The following AFF4 variants were observed in gnomAD, a reference collection of about 807,000 sequenced individuals.
AFF4 encodes the protein AF4/FMR2 family member 4.
Under a neutral mutation model 124.8 loss-of-function variants are expected in AFF4, and 13 were observed. That is an observed-to-expected ratio of 0.10 (90% CI 0.07 to 0.17). The LOEUF is 0.17. AFF4 is among the 10% of genes least tolerant of loss of function. The pLI, the probability that AFF4 is intolerant of heterozygous loss-of-function variation, is 1.00. For synonymous variants in AFF4, 477 were observed against 496.1 expected (o/e 0.96, Z 0.51); for missense variants, 1,092 against 1,403.8 (o/e 0.78, Z 3.55).
intron 1 of AFF4, among the ~76,000 whole-genome samples, chr5:132,954,571 G>A (rs909346635): frequency 5.5e-5 from 6 of 108,694 alleles, no homozygotes; most frequent in Admixed American, 8.8e-5. Flanking sequence ...TTTTTGAGAC[G>A]GAGTCTCGCT....
rs1760485021 is a variant in AFF4 at position 132,899,147 on chromosome 5, A to G, written c.1189-6T>C. 6.2e-7 allele frequency: 1 copy of G among 1,612,062 alleles called. No individual in the cohort carries two copies. ...GGCATTGTCTTATCACAATCCTAAA[A>G]TTAAAACATAAGAAAGAATCTGTGA... On this transcript the variant is annotated splice_region_variant and splice_polypyrimidine_tract_variant and intron_variant, in intron 8 of 20. Transcript: ENST00000265343.
rs189230812 is a variant in AFF4 at position 132,949,116 on chromosome 5, C to T, written c.-4-11923G>A. Among the ~76,000 whole-genome samples the T allele has an allele frequency of 5.9e-5, 9 of 151,702 alleles. No homozygotes were observed. In the East Asian group the frequency reaches 1.7e-3, roughly 29 times the overall value. On this transcript the variant is annotated intron_variant, in intron 1 of 20. Coordinates refer to ENST00000265343, the MANE Select transcript of AFF4 (RefSeq NM_014423.4). Reference sequence around the variant, plus strand: ...AACTGCTACTAGACAAAAAAGACTCCAGTGGGGCAATCAGTAGGAAGGCAT... The same window carrying T: ...AACTGCTACTAGACAAAAAAGACTCTAGTGGGGCAATCAGTAGGAAGGCAT...
In AFF4 at chr5:132,887,942, A is replaced by G. The variant is rs750040344; in HGVS notation, c.2837T>C (p.Val946Ala). The G allele has an allele frequency of 6.2e-7, 1 of 1,613,830 alleles. No homozygotes were observed. Among genetic ancestry groups the G allele is most frequent in the African/African-American group, 1.3e-5 (1 of 75,038 alleles). ...ATTCCCACATTCAATGAAAGATACCACAGCATCAAGATAGTATACAGCTTT... is the reference window on the plus strand; with the variant it reads ...ATTCCCACATTCAATGAAAGATACCGCAGCATCAAGATAGTATACAGCTTT... ...FEKAVYYLDA[V>A]VSFIECGNAL... The change falls in exon 16 of 21, where the codon GTG becomes GCG. Residue 946 changes from valine (V) to alanine (A), a missense_variant. Val to Ala is a moderately conservative substitution (Grantham distance 64, BLOSUM62 0). Transcript: ENST00000265343.
chr5:132,944,724 G>A (rs1456510839), intron 1 of AFF4, among the ~76,000 whole-genome samples: 1 of 152,006 alleles, frequency 6.6e-6, no homozygotes, highest in East Asian at 1.9e-4. Flanking sequence ...GAGGTCAGGA[G>A]TTCAAGACCA....
At chr5:132,930,885 C>T (rs1354475830) in intron 4 of AFF4, among the ~76,000 whole-genome samples, 1 of 132,798 alleles carries the variant, frequency 7.5e-6, no homozygotes, top group Admixed American at 8.3e-5. Flanking sequence ...GGCAGGCAGA[C>T]AGGAGTTCCA....
intron 5 of AFF4, among the ~76,000 whole-genome samples, chr5:132,920,925 A>G (rs1189240849): frequency 1.3e-5 from 2 of 152,068 alleles, no homozygotes; most frequent in East Asian, 3.9e-4. Context: ...CAGGAGATCG[A>G]GACCATCCTG....
chr5:132,934,694 G>A lies in AFF4; in HGVS notation c.371C>T (p.Ser124Phe), dbSNP rs1347033436. The part of the protein sequence containing the change: ...APSTSQSQKR[S>F]SGLQSGHSSQ... ...ACTATGTCCACTCTGTAAGCCTGAG[G>A]ACCGTTTCTGAGACTGAGAAGTGCT... Residue 124 changes from serine to phenylalanine, a missense_variant, in exon 3 of 21, where the codon TCC becomes TTC. Ser to Phe is a radical substitution (Grantham distance 155). Transcript: ENST00000265343. 1.2e-6 allele frequency: 2 copies of A among 1,614,006 alleles called. No individual in the cohort carries two copies. Among genetic ancestry groups the A allele is most frequent in the East Asian group, 2.2e-5 (1 of 44,890 alleles).
chr5:132,916,238 CAAAAAA>C lies in AFF4; in HGVS notation c.1050+10877_1050+10882del, dbSNP rs70974061. Among the ~76,000 whole-genome samples the C allele has an allele frequency of 2.9e-3, 146 of 50,684 alleles. 1 individual carries two copies. The highest frequency in any genetic ancestry group is 8.0e-3 in the South Asian group (9 of 1,128). The allele number at this position is 50,684 out of a possible 152,430, so 33.3% of individuals were successfully genotyped here. ...TGGGTGACAGAGTAAGATGCTGTCT[CAAAAAA>C]AAAAAAAAAAAAAAAAAAAAAAGAA... On this transcript the variant is annotated intron_variant, in intron 5 of 20. Coordinates refer to ENST00000265343, the MANE Select transcript of AFF4 (RefSeq NM_014423.4).
Position 132,880,441 on chromosome 5 carries a change from T to A in AFF4, c.*618A>T. ...ATGTAGAATGCCATTTTCTCATATT[T>A]AAGTGATTTTTTCATGTGTAGAAGA... On this transcript the variant is annotated 3_prime_UTR_variant, in exon 21 of 21. Transcript: ENST00000265343. The A allele has an allele frequency of 2.5e-6, 1 of 398,176 alleles. No homozygotes were observed. Among genetic ancestry groups the A allele is most frequent in the Non-Finnish European group, 4.4e-6 (1 of 225,778 alleles). The allele number at this position is 398,176 out of a possible 1,614,324, so 24.7% of individuals were successfully genotyped here. A position where few individuals can be genotyped will look rare whatever the true frequency, so the allele number is the denominator to read the frequency against.
At chr5:132,922,732 A>G (rs1761077228) in intron 5 of AFF4, among the ~76,000 whole-genome samples, 1 of 150,274 alleles carries the variant, frequency 6.7e-6, no homozygotes, top group Non-Finnish European at 1.5e-5. Flanking sequence ...ATGAGCCAAG[A>G]TCACGCCACT....
At chr5:132,919,718 C>A (rs1323845991) in intron 5 of AFF4, among the ~76,000 whole-genome samples, 2 of 152,074 alleles carry the variant, frequency 1.3e-5, no homozygotes, top group African/African-American at 4.8e-5. Context: ...GGTGTGGTGG[C>A]ATGCACTTGT....
chr5:132,959,096 G>C, intron 1 of AFF4, among the ~76,000 whole-genome samples: 1 of 151,552 alleles, frequency 6.6e-6, no homozygotes, highest in East Asian at 1.9e-4. Flanking sequence ...TACATAAAAT[G>C]CCTTCTGTCA....
At chr5:132,961,147 C>A (rs1489408894) in intron 1 of AFF4, among the ~76,000 whole-genome samples, 2 of 152,062 alleles carry the variant, frequency 1.3e-5, no homozygotes, top group Non-Finnish European at 2.9e-5. Context: ...ATCGCTTGAA[C>A]CCAGGAGGCA....
chr5:132,960,735 T>C (rs1317125465), intron 1 of AFF4, among the ~76,000 whole-genome samples: 1 of 152,258 alleles, frequency 6.6e-6, no homozygotes, highest in African/African-American at 2.4e-5. Flanking sequence ...CAAAATATTA[T>C]CACATTCAAA....
At chr5:132,928,122 G>A (rs1390242685) in intron 4 of AFF4, among the ~76,000 whole-genome samples, 2 of 151,940 alleles carry the variant, frequency 1.3e-5, no homozygotes, top group East Asian at 1.9e-4. Context: ...AAAGATATAC[G>A]TATAAGGGGC....
chr5:132,927,148 T>C lies in AFF4; in HGVS notation c.1023A>G (p.Glu341=). The C allele has an allele frequency of 1.2e-6, 2 of 1,612,786 alleles. No homozygotes were observed. Among genetic ancestry groups the C allele is most frequent in the Non-Finnish European group, 1.7e-6 (2 of 1,179,610 alleles). ...LTAIHTPCKT[E]PSKFPFPTKE... is the part of the protein sequence containing the mutation. ...TAGTTGGAAAAGGAAATTTGGAAGG[T>C]TCTGTTTTGCATGGTGTATGAATAG... is the stretch of plus-strand genomic sequence containing the variant. Residue 341 remains glutamate (E), a synonymous_variant, in exon 5 of 21, where the codon GAA becomes GAG. Transcript: ENST00000265343.
At chr5:132,954,412 A>G (rs958125722) in intron 1 of AFF4, among the ~76,000 whole-genome samples, 1 of 152,090 alleles carries the variant, frequency 6.6e-6, no homozygotes, top group Non-Finnish European at 1.5e-5. Flanking sequence ...TGGGAGGGGG[A>G]GCACACAGGG....
chr5:132,941,777 G>A (rs1231290668), intron 1 of AFF4, among the ~76,000 whole-genome samples: 7 of 152,028 alleles, frequency 4.6e-5, no homozygotes, highest in Admixed American at 6.6e-5. Context: ...GGAGGCCAAC[G>A]AGGGCAGATT....
In AFF4 at chr5:132,950,127, C is replaced by T. The variant is rs373755852; in HGVS notation, c.-4-12934G>A. On this transcript the variant is annotated intron_variant, in intron 1 of 20. Transcript: ENST00000265343. ...CAGGCCGATCACGAGGTCAGGAGTTCAAGACCAGCCTGGCCAACATGGTGA... is the reference window on the plus strand; with the variant it reads ...CAGGCCGATCACGAGGTCAGGAGTTTAAGACCAGCCTGGCCAACATGGTGA... 9.2e-5 allele frequency among the ~76,000 whole-genome samples: 14 copies of T among 151,526 alleles called. No homozygotes were observed. The East Asian group carries it at 2.8e-3, about 30-fold the overall frequency.
Sources: allele counts gnomAD v4.1 joint callset (sites outside exome capture counted in the v4.1 genomes callset), GRCh38; gene constraint gnomAD v4.1.1; transcripts MANE v1.5; gene names NCBI Gene and HGNC (gene_info 2026-07-23, HGNC 2026-07-21).